Variants in KLK7 observed in about 807,000 individuals in gnomAD.
KLK7 encodes the protein kallikrein-7.
A neutral mutation model predicts 21.0 loss-of-function variants in KLK7; 17 were observed. That is an observed-to-expected ratio of 0.81 (90% CI 0.55 to 1.21). The LOEUF (loss-of-function observed/expected upper bound fraction) is 1.21, where lower values mean the gene tolerates loss of function less well. KLK7 is among the 50% of genes most tolerant of loss of function. The probability of loss-of-function intolerance (pLI) is 0.00; values close to 1 mark genes in which losing one functional copy is unlikely to be tolerated. For synonymous variants in KLK7, 151 were observed against 134.6 expected, an observed-to-expected ratio of 1.12 and a Z score of -0.85; for missense variants, 330 against 322.8, an observed-to-expected ratio of 1.02 and a Z score of -0.17.
rs751551701 is a variant in KLK7 at position 50,977,702 on chromosome 19, T to C, written c.607-11A>G. 1 of 1,609,790 alleles carries C rather than the reference T, an allele frequency of 6.2e-7. No individual in the cohort carries two copies. The highest frequency in any genetic ancestry group is 8.5e-7 in the Non-Finnish European group (1 of 1,178,020). On this transcript the variant is annotated splice_polypyrimidine_tract_variant and intron_variant, in intron 5 of 5. Coordinates refer to ENST00000595820, the MANE Select transcript of KLK7 (RefSeq NM_005046.4). ...TCCCCCTGAGTCACCCTAGAGGGAA[T>C]AGAGCCGGAGATTAACTTTGGCTTC...
intron 3 of KLK7, 40 bp downstream of exon 3, chr19:50,981,727 A>T: frequency 2.6e-6 from 4 of 1,523,254 alleles, no homozygotes; most frequent in Non-Finnish European, 3.5e-6. Context: ...CGAGCTGGAG[A>T]CGCTGGTGCA....
chr19:50,979,024 G>A (rs1189420833), intron 5 of KLK7, among the ~76,000 whole-genome samples: 1 of 151,898 alleles, frequency 6.6e-6, no homozygotes, highest in Non-Finnish European at 1.5e-5. Context: ...TCAACACAGA[G>A]AAAAAACAAA....
rs1354952869 is a variant in KLK7 at position 50,977,028 on chromosome 19, G to C, written c.*508C>G. 6.5e-6 allele frequency: 1 copy of C among 153,996 alleles called. No individual in the cohort carries two copies. The highest frequency in any genetic ancestry group is 1.4e-5 in the Non-Finnish European group (1 of 69,252). 9.5% of individuals were successfully genotyped at this position (153,996 alleles called of 1,614,324 possible). ...TCACTGCATTGCAGCCCAAGCAACA[G>C]AGACTCTGTCTCAAAGAAAAAAAAC... On this transcript the variant is annotated 3_prime_UTR_variant, in exon 6 of 6. Coordinates refer to ENST00000595820, the MANE Select transcript of KLK7 (RefSeq NM_005046.4).
intron 3 of KLK7, among the ~76,000 whole-genome samples, chr19:50,981,392 G>T (rs2091085577): frequency 7.0e-6 from 1 of 142,626 alleles, no homozygotes; most frequent in Non-Finnish European, 1.5e-5. Context: ...CCCAGGGAGA[G>T]GGGGTACAGA....
chr19:50,977,394 T>C lies in KLK7; in HGVS notation c.*142A>G. 2.5e-6 allele frequency: 2 copies of C among 792,666 alleles called. No individual in the cohort carries two copies. Among genetic ancestry groups the C allele is most frequent in the Non-Finnish European group, 4.0e-6 (2 of 494,820 alleles). The allele number at this position is 792,666 out of a possible 1,614,324, so 49.1% of individuals were successfully genotyped here. Reference sequence around the variant, plus strand: ...TGGTTTTAGGTCTTTACCAATTTGATTGGTTTATCAACAGGGCATGAGGTT... The same window carrying C: ...TGGTTTTAGGTCTTTACCAATTTGACTGGTTTATCAACAGGGCATGAGGTT... On this transcript the variant is annotated 3_prime_UTR_variant, in exon 6 of 6. Coordinates refer to ENST00000595820, the MANE Select transcript of KLK7 (RefSeq NM_005046.4).
At chr19:50,983,291 C>A (rs1414772283) in intron 1 of KLK7, among the ~76,000 whole-genome samples, 197 of 5,548 alleles carry the variant, frequency 0.036, 42 homozygotes, top group Non-Finnish European at 0.076. Context: ...GCCCCAGCCC[C>A]TCCTCCCTCA....
At chr19:50,983,747 C>T in intron 1 of KLK7, 104 bp downstream of exon 1, 5 of 1,252,922 alleles carry the variant, frequency 4.0e-6, no homozygotes, top group South Asian at 2.6e-5. Flanking sequence ...TGCTCAGGAC[C>T]GGGAGTCTAG....
chr19:50,983,707 G>A (rs2122274168), intron 1 of KLK7, 144 bp downstream of exon 1: 1 of 1,126,352 alleles, frequency 8.9e-7, no homozygotes, highest in African/African-American at 1.6e-5. Context: ...TCCCTAAAAG[G>A]CCCCAAATTG....
In KLK7 at chr19:50,980,402, C is replaced by T. The variant is rs375221546; in HGVS notation, c.307G>A (p.Gly103Ser). Residue 103 changes from glycine (G) to serine (S), a missense_variant, in exon 4 of 6, where the codon GGC becomes AGC. Physicochemically the swap from Gly to Ser is moderately conservative, Grantham distance 56 (BLOSUM62 0). Coordinates refer to ENST00000595820, the MANE Select transcript of KLK7 (RefSeq NM_005046.4). ...IKASKSFRHP[G>S]YSTQTHVNDL... ...TTAACATGGGTCTGTGTGGAGTAGC[C>T]GGGGTGGCGGAATGACTTCGAGGCC... The T allele has an allele frequency of 5.1e-5, 82 of 1,613,978 alleles. No individual in the cohort carries two copies. The highest frequency in any genetic ancestry group is 2.1e-4 in the South Asian group (19 of 91,080).
At chr19:50,980,004 T>G in intron 4 of KLK7, 80 bp from the exon 5 acceptor site, 1 of 1,506,374 alleles carries the variant, frequency 6.6e-7, no homozygotes, top group African/African-American at 1.4e-5. Context: ...AGGCTCCTGG[T>G]TCCGAGGGAG....
chr19:50,983,964 C>T, upstream of KLK7: 1 of 1,278,708 alleles, frequency 7.8e-7, no homozygotes, highest in Non-Finnish European at 1.0e-6. Context: ...GCCCCATGCC[C>T]GGCCCCAGCG....
chr19:50,979,705 C>T, intron 5 of KLK7, 83 bp downstream of exon 5: 2 of 1,415,272 alleles, frequency 1.4e-6, no homozygotes, highest in Non-Finnish European at 1.9e-6. Flanking sequence ...GCTTGGTACC[C>T]AGTCACTCGG....
At chr19:50,978,397 T>G in intron 5 of KLK7, among the ~76,000 whole-genome samples, 1 of 147,004 alleles carries the variant, frequency 6.8e-6, no homozygotes, top group South Asian at 2.2e-4. Context: ...ACAGAGAGAG[T>G]TGGAGGTGGA....
chr19:50,979,479 A>G (rs183694315), intron 5 of KLK7, among the ~76,000 whole-genome samples: 18 of 152,316 alleles, frequency 1.2e-4, no homozygotes, highest in African/African-American at 3.6e-4. Context: ...ATTTATCTCA[A>G]TCACTGAGGT....
At chr19:50,980,525 T>G in intron 3 of KLK7, 38 bp from the exon 4 acceptor site, 1 of 1,610,374 alleles carries the variant, frequency 6.2e-7, no homozygotes. Flanking sequence ...GAAGAGACAC[T>G]GTGACAGAGA....
chr19:50,979,341 G>C (rs2091058823), intron 5 of KLK7, among the ~76,000 whole-genome samples: 1 of 152,240 alleles, frequency 6.6e-6, no homozygotes, highest in Non-Finnish European at 1.5e-5. Context: ...GCTGTGCTGA[G>C]CCACGCTAGT....
At chr19:50,981,482 G>C (rs1600111776) in intron 3 of KLK7, among the ~76,000 whole-genome samples, 2 of 118,434 alleles carry the variant, frequency 1.7e-5, no homozygotes, top group Admixed American at 9.0e-5. Context: ...CCCAGAGAGA[G>C]AGGAGGGGGA....
At position 50,982,425 on chromosome 19, in the gene KLK7, C is replaced by T. The variant is rs1213474700; in HGVS notation, c.-26G>A. On this transcript the variant is annotated 5_prime_UTR_variant, in exon 2 of 6. Coordinates refer to ENST00000595820, the MANE Select transcript of KLK7 (RefSeq NM_005046.4). ...GGTGCCCTGCTGAGCCGCTCAGGGG[C>T]TGCCAGGCGAGGAAGGGCCTCTCCT... The T allele has an allele frequency of 8.2e-6, 13 of 1,592,836 alleles. No homozygotes were observed. The highest frequency in any genetic ancestry group is 1.1e-5 in the South Asian group (1 of 87,816).
rs1322067406 is a variant in KLK7 at position 50,980,326 on chromosome 19, A to G, written c.383T>C (p.Val128Ala). The G allele has an allele frequency of 6.2e-7, 1 of 1,613,982 alleles. No individual in the cohort carries two copies. The highest frequency in any genetic ancestry group is 8.5e-7 in the Non-Finnish European group (1 of 1,179,944). ...GCGGGAGGGCAGCCTGACTTTCTTC[A>G]CCATGGATGACAGCCTGGCCTGGCT... ...LNSQARLSSM[V>A]KKVRLPSRCE... The change falls in exon 4 of 6, where the codon GTG becomes GCG. Residue 128 changes from valine to alanine, a missense_variant. Transcript: ENST00000595820.
Sources: allele counts gnomAD v4.1 joint callset (sites outside exome capture counted in the v4.1 genomes callset), GRCh38; gene constraint gnomAD v4.1.1; transcripts MANE v1.5; gene names NCBI Gene and HGNC (gene_info 2026-07-23, HGNC 2026-07-21).